ADAM22: variants seen among roughly 807,000 people sequenced by gnomAD.
ADAM22 encodes disintegrin and metalloproteinase domain-containing protein 22.
A neutral mutation model predicts 144.6 loss-of-function variants in ADAM22; 65 were observed. The observed-to-expected ratio is 0.45, with a 90% CI of 0.37 to 0.55. ADAM22 has a LOEUF of 0.55. Among genes scored for constraint, ADAM22 ranks in the 20% least tolerant of loss-of-function variants. The pLI is 0.00. For missense variants in ADAM22, 974 were observed against 1,184.9 expected (o/e 0.82, Z 2.61); for synonymous variants, 391 against 412.6 (o/e 0.95, Z 0.63).
chr7:88,082,711 T>C (rs1336373823), intron 4 of ADAM22, among the ~76,000 whole-genome samples: 1 of 152,158 alleles, frequency 6.6e-6, no homozygotes, highest in Non-Finnish European at 1.5e-5. Context: ...AGAAGACATT[T>C]ATGCAGCCAA....
chr7:88,172,624 T>A (rs1405637302), intron 26 of ADAM22, among the ~76,000 whole-genome samples: 3 of 151,968 alleles, frequency 2.0e-5, no homozygotes, highest in Non-Finnish European at 4.4e-5. Flanking sequence ...GCTTTAACCA[T>A]AGGTATCTGT....
At chr7:88,012,456 G>A (rs1795657406) in intron 3 of ADAM22, among the ~76,000 whole-genome samples, 1 of 152,132 alleles carries the variant, frequency 6.6e-6, no homozygotes, top group African/African-American at 2.4e-5. Context: ...AAGGTATATA[G>A]GTCTTGAAAT....
intron 25 of ADAM22, among the ~76,000 whole-genome samples, chr7:88,170,682 T>C (rs577820014): frequency 6.6e-6 from 1 of 152,104 alleles, no homozygotes; most frequent in African/African-American, 2.4e-5. Context: ...CAAGTAAAGA[T>C]GTTACCAATG....
intron 2 of ADAM22, among the ~76,000 whole-genome samples, chr7:87,966,520 T>C (rs530118490): frequency 1.3e-5 from 2 of 152,214 alleles, no homozygotes; most frequent in South Asian, 2.1e-4. Context: ...ACTTCCTGAA[T>C]GGAGATGAGA....
At chr7:88,117,412 G>A (rs1157894804) in intron 7 of ADAM22, among the ~76,000 whole-genome samples, 1 of 152,208 alleles carries the variant, frequency 6.6e-6, no homozygotes, top group Non-Finnish European at 1.5e-5. Flanking sequence ...ATTTTCAAAA[G>A]TAAGCTAATT....
Position 87,934,403 on chromosome 7 carries a change from G to A in ADAM22, c.-63G>A. On this transcript the variant is annotated 5_prime_UTR_variant, in exon 1 of 32. Coordinates refer to ENST00000413139, the MANE Select transcript of ADAM22 (RefSeq NM_001324418.2). ...CCCGGGGGCGCGGAGCGAGGGAAAC[G>A]GACTCGGCGGCGCCGGCATGAGGAG... The A allele has an allele frequency of 2.0e-6, 3 of 1,501,786 alleles. No individual in the cohort carries two copies. 93.0% of individuals were successfully genotyped at this position (1,501,786 alleles called of 1,614,324 possible). A position where few individuals can be genotyped will look rare whatever the true frequency, so the allele number is the denominator to read the frequency against.
At chr7:87,967,645 A>G (rs887222199) in intron 2 of ADAM22, among the ~76,000 whole-genome samples, 1 of 151,790 alleles carries the variant, frequency 6.6e-6, no homozygotes, top group African/African-American at 2.4e-5. Flanking sequence ...CGTCTCTACT[A>G]AAAATACAAA....
intron 27 of ADAM22, 105 bp from the exon 28 acceptor site, chr7:88,181,395 CTTGAT>C: frequency 2.5e-6 from 2 of 808,454 alleles, no homozygotes; most frequent in South Asian, 2.0e-5. Context: ...TTTTTTCTTT[CTTGAT>C]TTATTTTATT....
intron 13 of ADAM22, among the ~76,000 whole-genome samples, chr7:88,134,761 T>A (rs1469930465): frequency 6.6e-6 from 1 of 152,184 alleles, no homozygotes; most frequent in Admixed American, 6.5e-5. Flanking sequence ...GGTTTTTTTA[T>A]GTTTTATTTA....
At chr7:87,938,101 G>A (rs1298802151) in intron 2 of ADAM22, among the ~76,000 whole-genome samples, 1 of 151,472 alleles carries the variant, frequency 6.6e-6, no homozygotes, top group East Asian at 1.9e-4. Flanking sequence ...TTCCCTAAGA[G>A]CAATCATTGG....
At chr7:88,161,460 T>G (rs1020604313) in intron 22 of ADAM22, among the ~76,000 whole-genome samples, 2 of 152,056 alleles carry the variant, frequency 1.3e-5, no homozygotes, top group Non-Finnish European at 2.9e-5. Context: ...AAGCAAAAAT[T>G]GACAAATGGA....
chr7:88,077,122 C>T (rs1028212696), intron 4 of ADAM22, among the ~76,000 whole-genome samples: 2 of 152,076 alleles, frequency 1.3e-5, no homozygotes, highest in African/African-American at 4.8e-5. Flanking sequence ...ATTTTGTAAA[C>T]ATTTGCCAAG....
At chr7:88,161,512 A>G (rs1841632598) in intron 22 of ADAM22, among the ~76,000 whole-genome samples, 1 of 152,186 alleles carries the variant, frequency 6.6e-6, no homozygotes, top group African/African-American at 2.4e-5. Flanking sequence ...AAAAGTAACT[A>G]TCAACAGAGT....
At chr7:88,073,026 T>C (rs887386450) in intron 3 of ADAM22, among the ~76,000 whole-genome samples, 6 of 152,206 alleles carry the variant, frequency 3.9e-5, no homozygotes, top group African/African-American at 1.2e-4. Context: ...CAATTTTCAA[T>C]TGGATGTACA....
At chr7:88,030,538 A>G (rs1799996025) in intron 3 of ADAM22, among the ~76,000 whole-genome samples, 1 of 151,988 alleles carries the variant, frequency 6.6e-6, no homozygotes, top group African/African-American at 2.4e-5. Flanking sequence ...CTCATGTTGA[A>G]TTGTAATTCC....
intron 3 of ADAM22, among the ~76,000 whole-genome samples, chr7:88,023,354 A>G (rs117664391): frequency 0.017 from 2,659 of 152,354 alleles, 28 homozygotes; most frequent in South Asian, 0.035. Flanking sequence ...TAACCATATC[A>G]GGGTAAATGG....
At chr7:88,154,816 A>G (rs1056699256) in intron 21 of ADAM22, among the ~76,000 whole-genome samples, 2 of 152,170 alleles carry the variant, frequency 1.3e-5, no homozygotes, top group African/African-American at 4.8e-5. Context: ...GAATAAAGTA[A>G]TACATTCTTT....
chr7:87,991,554 G>C (rs1789890632), intron 3 of ADAM22, among the ~76,000 whole-genome samples: 1 of 151,468 alleles, frequency 6.6e-6, no homozygotes. Context: ...TTTTAGTAGA[G>C]ACGGGGTTTC....
At chr7:88,191,278 G>A (rs1055480327) in intron 30 of ADAM22, among the ~76,000 whole-genome samples, 1 of 152,188 alleles carries the variant, frequency 6.6e-6, no homozygotes, top group Non-Finnish European at 1.5e-5. Flanking sequence ...TATCAGGCTG[G>A]CCATTTGGAC....
Sources: allele counts gnomAD v4.1 joint callset (sites outside exome capture counted in the v4.1 genomes callset), GRCh38; gene constraint gnomAD v4.1.1; transcripts MANE v1.5; gene names NCBI Gene and HGNC (gene_info 2026-07-23, HGNC 2026-07-21).